Variants in SLC22A24 observed in about 807,000 individuals in gnomAD.
The protein encoded by SLC22A24 is steroid transmembrane transporter SLC22A24.
SLC22A24 carries 53 observed loss-of-function variants against 49.8 expected under a neutral mutation model. The observed-to-expected ratio is 1.06, with a 90% confidence interval of 0.85 to 1.34. The LOEUF (loss-of-function observed/expected upper bound fraction) is 1.34, where lower values mean the gene tolerates loss of function less well. Ranked by LOEUF, SLC22A24 falls within the 40% of genes most tolerant of loss-of-function variation. The pLI is 0.00. For synonymous variants in SLC22A24, 302 were observed against 256.4 expected, an observed-to-expected ratio of 1.18 and a Z score of -1.70; for missense variants, 786 against 675.9, an observed-to-expected ratio of 1.16 and a Z score of -1.81.
At chr11:63,114,939 G>A (rs962567898) in intron 4 of SLC22A24, among the ~76,000 whole-genome samples, 24 of 152,124 alleles carry the variant, frequency 1.6e-4, no homozygotes, top group Admixed American at 3.9e-4. Flanking sequence ...TGGAAGCTTC[G>A]TCTCAGAAGG....
chr11:63,085,188 T>C (rs2086980422), intron 6 of SLC22A24, among the ~76,000 whole-genome samples: 1 of 152,064 alleles, frequency 6.6e-6, no homozygotes, highest in Non-Finnish European at 1.5e-5. Flanking sequence ...TTCATAGATA[T>C]AAAATTTCTA....
In SLC22A24 at chr11:63,097,928, G is replaced by A. The variant is rs186301974; in HGVS notation, c.955-1822C>T. Reference sequence around the variant, plus strand: ...ACACCAGGGCCTGTTGGGGGATGGGGGGCAAAAGGAGGGAAAGCATTAGGA... The same window carrying A: ...ACACCAGGGCCTGTTGGGGGATGGGAGGCAAAAGGAGGGAAAGCATTAGGA... On this transcript the variant is annotated intron_variant, in intron 5 of 9. Transcript: ENST00000612278. 4.4e-4 allele frequency among the ~76,000 whole-genome samples: 67 copies of A among 152,120 alleles called. 1 individual carries two copies. The highest frequency in any genetic ancestry group is 8.1e-4 in the Non-Finnish European group (55 of 67,998).
intron 4 of SLC22A24, among the ~76,000 whole-genome samples, chr11:63,113,712 G>C (rs189606211): frequency 1.3e-5 from 2 of 151,858 alleles, no homozygotes; most frequent in Admixed American, 1.3e-4. Context: ...AAATTAGCTC[G>C]GCATAGTGGC....
chr11:63,115,292 A>G (rs1360219226), intron 4 of SLC22A24, among the ~76,000 whole-genome samples: 1 of 152,130 alleles, frequency 6.6e-6, no homozygotes, highest in African/African-American at 2.4e-5. Flanking sequence ...TCCCCCCATG[A>G]GGCTACTGCC....
chr11:63,117,870 T>C (rs1411720152), intron 4 of SLC22A24, among the ~76,000 whole-genome samples: 1 of 152,156 alleles, frequency 6.6e-6, no homozygotes, highest in African/African-American at 2.4e-5. Context: ...TTTGAGTGCA[T>C]GGGGTGTTGG....
chr11:63,091,274 AC>A (rs2135196908), intron 6 of SLC22A24, among the ~76,000 whole-genome samples: 1 of 152,320 alleles, frequency 6.6e-6, no homozygotes, highest in Admixed American at 6.5e-5. Context: ...TAGCCTACCA[AC>A]CAAAAAAGGG....
chr11:63,099,087 C>A (rs559005241), intron 5 of SLC22A24, among the ~76,000 whole-genome samples: 1 of 152,176 alleles, frequency 6.6e-6, no homozygotes, highest in South Asian at 2.1e-4. Context: ...CCTGAACAGA[C>A]CAATAAGAAG....
At chr11:63,124,628 T>A (rs1181564908) in intron 2 of SLC22A24, among the ~76,000 whole-genome samples, 1 of 152,172 alleles carries the variant, frequency 6.6e-6, no homozygotes, top group Non-Finnish European at 1.5e-5. Flanking sequence ...TAAATTATTT[T>A]ACAACTGGTC....
chr11:63,117,062 G>A (rs1416282867), intron 4 of SLC22A24, among the ~76,000 whole-genome samples: 2 of 152,032 alleles, frequency 1.3e-5, no homozygotes, highest in East Asian at 3.9e-4. Context: ...TGTCTCATAA[G>A]CCAACATCTG....
chr11:63,087,024 G>GCGCGCACATA (rs376936925), intron 6 of SLC22A24, among the ~76,000 whole-genome samples: 1 of 132,556 alleles, frequency 7.5e-6, no homozygotes, highest in African/African-American at 2.9e-5. Context: ...CCTGGAGGGC[G>GCGCGCACATA]CACACACACA....
At chr11:63,126,510 T>G (rs536367855) in intron 2 of SLC22A24, among the ~76,000 whole-genome samples, 1 of 152,284 alleles carries the variant, frequency 6.6e-6, no homozygotes, top group African/African-American at 2.4e-5. Context: ...TCTGTTCCAT[T>G]GGTCTATATA....
In SLC22A24 at chr11:63,118,923, G is replaced by A. The variant is rs768329072; in HGVS notation, c.819C>T (p.Phe273=). ...LTVSTPIIVL[F]LSSWKMVESA... is the part of the protein sequence containing the mutation. ...GAGATTGTTCATACCAAGAGGACAA[G>A]AAGAGGACAATTATGGGTGTAGACA... The change falls in exon 4 of 10, where the codon TTC becomes TTT. Residue 273 remains phenylalanine (F), a synonymous_variant. Coordinates refer to ENST00000612278, the MANE Select transcript of SLC22A24 (RefSeq NM_001136506.2). 3.2e-6 allele frequency: 5 copies of A among 1,551,960 alleles called. No homozygotes were observed. Among genetic ancestry groups the A allele is most frequent in the Non-Finnish European group, 4.4e-6 (5 of 1,147,054 alleles).
At chr11:63,117,892 C>T (rs1361056660) in intron 4 of SLC22A24, among the ~76,000 whole-genome samples, 1 of 152,182 alleles carries the variant, frequency 6.6e-6, no homozygotes, top group Non-Finnish European at 1.5e-5. Context: ...GCCCCCAACA[C>T]TCTGCACTGT....
chr11:63,088,999 T>C (rs1486511103), intron 6 of SLC22A24, among the ~76,000 whole-genome samples: 2 of 152,068 alleles, frequency 1.3e-5, no homozygotes, highest in Non-Finnish European at 2.9e-5. Context: ...GAAAACACAC[T>C]TCAGGATATT....
chr11:63,118,462 A>G, intron 4 of SLC22A24: 1 of 195,300 alleles, frequency 5.1e-6, no homozygotes, highest in East Asian at 1.2e-4. Flanking sequence ...TACTCTGTCA[A>G]GTTCCCTGAA....
At chr11:63,111,047 T>C (rs2087159869) in intron 4 of SLC22A24, among the ~76,000 whole-genome samples, 1 of 152,096 alleles carries the variant, frequency 6.6e-6, no homozygotes, top group African/African-American at 2.4e-5. Flanking sequence ...TATTGAGAGT[T>C]TTTAGCATGA....
chr11:63,134,984 C>T (rs1008778668), intron 1 of SLC22A24, among the ~76,000 whole-genome samples: 15 of 152,148 alleles, frequency 9.9e-5, no homozygotes, highest in African/African-American at 3.1e-4. Context: ...GTCTCTCTCT[C>T]ACCTCCTAAC....
At position 63,080,046 on chromosome 11, in the gene SLC22A24, A is replaced by G. The variant is rs17157721; in HGVS notation, c.1599-46T>C. 0.01 allele frequency: 12,783 copies of G among 1,255,430 alleles called. 982 individuals are homozygous for G. The African/African-American group carries it at 0.17, about 16-fold the overall frequency. 77.8% of individuals were successfully genotyped at this position (1,255,430 alleles called of 1,614,324 possible). ...CAAAAACAAGATTAAGAAACAAAAA[A>G]TAAATAAGATATAGATTAAGCATAT... On this transcript the variant is annotated intron_variant, in intron 9 of 9. Coordinates refer to ENST00000612278, the MANE Select transcript of SLC22A24 (RefSeq NM_001136506.2).
At chr11:63,133,018 T>C (rs1354131661) in intron 2 of SLC22A24, among the ~76,000 whole-genome samples, 1 of 152,158 alleles carries the variant, frequency 6.6e-6, no homozygotes, top group African/African-American at 2.4e-5. Context: ...GCCTCAGCAA[T>C]GGTGGATGCC....
Sources: allele counts gnomAD v4.1 joint callset (sites outside exome capture counted in the v4.1 genomes callset), GRCh38; gene constraint gnomAD v4.1.1; transcripts MANE v1.5; gene names NCBI Gene and HGNC (gene_info 2026-07-23, HGNC 2026-07-21).